Variants in KANSL1 observed in about 807,000 individuals in gnomAD.
KANSL1 encodes the protein KAT8 regulatory NSL complex subunit 1.
In KANSL1, 22 loss-of-function variants were observed where a neutral mutation model predicts 103.6. That is an observed-to-expected ratio of 0.21 (90% confidence interval 0.15 to 0.30). KANSL1 has a LOEUF of 0.30. KANSL1 is among the 10% of genes least tolerant of loss of function. The pLI, the probability that KANSL1 is intolerant of heterozygous loss-of-function variation, is 1.00. For synonymous variants in KANSL1, 600 were observed against 527.6 expected, an observed-to-expected ratio of 1.14 and a Z score of -1.88; for missense variants, 1,337 against 1,399.8, an observed-to-expected ratio of 0.96 and a Z score of 0.72.
intron 1 of KANSL1, among the ~76,000 whole-genome samples, chr17:46,187,721 C>T (rs1403271557): frequency 6.6e-6 from 1 of 152,198 alleles, no homozygotes; most frequent in Non-Finnish European, 1.5e-5. Context: ...ACTATTTTGC[C>T]GCATTGTGCT....
chr17:46,034,453 CA>C, intron 10 of KANSL1, 168 bp from the exon 11 acceptor site: 3 of 616,924 alleles, frequency 4.9e-6, no homozygotes, highest in South Asian at 3.7e-5. Context: ...TCTCCAACAG[CA>C]AAAAACCTCA....
In KANSL1 at chr17:46,033,180, A is replaced by C. The variant is rs1481053960; in HGVS notation, c.2737T>G (p.Ser913Ala). The change falls in exon 13 of 15, where the codon TCC (serine) becomes GCC (alanine). Residue 913 changes from serine to alanine, a missense_variant. Around this residue, in one of 2 missense-constraint regions of KANSL1, gnomAD observed 780 missense variants for 923.4 expected, o/e 0.84. Transcript: ENST00000432791. ...DEENEEIEDLSDAAFAALHAK... is the reference protein window; with the variant it reads ...DEENEEIEDLADAAFAALHAK... ...TGCAGGGCGGCGAAGGCTGCGTCGG[A>C]TAGGTCCTCAATCTGCAATAGAGCA... The C allele has an allele frequency of 6.3e-7, 1 of 1,599,966 alleles. No homozygotes were observed. The highest frequency in any genetic ancestry group is 1.7e-5 in the Admixed American group (1 of 58,554).
At position 46,067,647 on chromosome 17, in the gene KANSL1, T is replaced by C; in HGVS notation, c.1554A>G (p.Pro518=). The change falls in exon 5 of 15, where the codon CCA becomes CCG. Residue 518 remains proline, a synonymous_variant. Coordinates refer to ENST00000432791, the MANE Select transcript of KANSL1 (RefSeq NM_015443.4). The stretch of plus-strand genomic sequence containing the variant: ...TAATAGGGGCACCATGGTTTTCCAA[T>C]GGCTGAGAAACAGACTCAATCTGAT... ...TDKLIESVSQ[P]LENHGAPIIG... is the part of the protein sequence containing the mutation. 2 of 1,586,096 alleles carry C rather than the reference T, an allele frequency of 1.3e-6. No homozygotes were observed. Among genetic ancestry groups the C allele is most frequent in the Non-Finnish European group, 1.7e-6 (2 of 1,154,562 alleles).
intron 2 of KANSL1, among the ~76,000 whole-genome samples, chr17:46,127,905 A>AT (rs1451877142): frequency 6.6e-6 from 1 of 152,240 alleles, no homozygotes; most frequent in Non-Finnish European, 1.5e-5. Context: ...GAGCAACTTA[A>AT]TACTTCACCC....
chr17:46,038,416 T>G (rs1568373104), intron 10 of KANSL1, 122 bp downstream of exon 10: 4 of 1,015,930 alleles, frequency 3.9e-6, no homozygotes, highest in Non-Finnish European at 5.7e-6. Context: ...TATGTCATGA[T>G]GAGCTGAGAT....
intron 6 of KANSL1, among the ~76,000 whole-genome samples, chr17:46,057,021 T>C (rs2077956594): frequency 6.6e-6 from 1 of 152,160 alleles, no homozygotes; most frequent in Admixed American, 6.5e-5. Flanking sequence ...ATTACGGTCA[T>C]CCCGTCTAGA....
intron 2 of KANSL1, chr17:46,170,560 C>T (rs2046231382): frequency 2.3e-6 from 1 of 427,160 alleles, no homozygotes. Context: ...TCTAAATTCA[C>T]TCTTAAAGAG....
rs2076999638 is a variant in KANSL1, at chr17:46,031,310, CAA to C, written c.*164_*165del. 3 of 725,320 alleles carry C rather than the reference CAA, an allele frequency of 4.1e-6. No homozygotes were observed. 44.9% of individuals were successfully genotyped at this position (725,320 alleles called of 1,614,324 possible). A position where few individuals can be genotyped will look rare whatever the true frequency, so the allele number is the denominator to read the frequency against. On this transcript the variant is annotated 3_prime_UTR_variant, in exon 15 of 15. Transcript: ENST00000432791. ...AGAAAACATGGAAACAAAAACAAAA[CAA>C]AAATTAAAACAAGAAAAAAAAATAC...
At chr17:46,090,352 AGTTT>A (rs2079335032) in intron 3 of KANSL1, among the ~76,000 whole-genome samples, 1 of 152,252 alleles carries the variant, frequency 6.6e-6, no homozygotes, top group Non-Finnish European at 1.5e-5. Flanking sequence ...CATTTGTGAT[AGTTT>A]GTTATGACAG....
At chr17:46,079,676 A>G (rs1433537619) in intron 4 of KANSL1, among the ~76,000 whole-genome samples, 1 of 152,166 alleles carries the variant, frequency 6.6e-6, no homozygotes, top group East Asian at 1.9e-4. Context: ...AAATCACTAT[A>G]TATTTAGGAA....
At chr17:46,052,229 T>C (rs544679406) in intron 6 of KANSL1, among the ~76,000 whole-genome samples, 60 of 152,082 alleles carry the variant, frequency 3.9e-4, no homozygotes, top group Non-Finnish European at 8.1e-4. Context: ...CTCACTCCAG[T>C]AGGTATAGCA....
chr17:46,153,847 C>CT (rs2045265792), intron 2 of KANSL1, among the ~76,000 whole-genome samples: 2 of 152,196 alleles, frequency 1.3e-5, no homozygotes, highest in Admixed American at 6.5e-5. Flanking sequence ...AGTTAATTGT[C>CT]TAAGTCAGGT....
At chr17:46,184,283 C>T (rs1021760500) in intron 1 of KANSL1, among the ~76,000 whole-genome samples, 2 of 152,188 alleles carry the variant, frequency 1.3e-5, no homozygotes, top group East Asian at 1.9e-4. Context: ...TGGCAACACA[C>T]AGAATGACAG....
chr17:46,157,778 C>T (rs1329485965), intron 2 of KANSL1, among the ~76,000 whole-genome samples: 1 of 152,246 alleles, frequency 6.6e-6, no homozygotes, highest in Admixed American at 6.5e-5. Flanking sequence ...CAAAATGAGT[C>T]TTAAGCAAGC....
At chr17:46,047,816 A>C (rs529026363) in intron 7 of KANSL1, among the ~76,000 whole-genome samples, 41 of 131,682 alleles carry the variant, frequency 3.1e-4, no homozygotes, top group Admixed American at 2.4e-3. Flanking sequence ...AAAAAAAAAA[A>C]AACAAAAAAA....
At chr17:46,108,740 A>T (rs2042676474) in intron 2 of KANSL1, among the ~76,000 whole-genome samples, 1 of 152,212 alleles carries the variant, frequency 6.6e-6, no homozygotes, top group South Asian at 2.1e-4. Context: ...GATTAAAACC[A>T]AAGTAATTCC....
In KANSL1 at chr17:46,039,684, C is replaced by T. The variant is rs764721407; in HGVS notation, c.2203+18G>A. 3.2e-5 allele frequency: 52 copies of T among 1,603,620 alleles called. No homozygotes were observed. Among genetic ancestry groups the T allele is most frequent in the Non-Finnish European group, 4.1e-5 (48 of 1,174,326 alleles). ...GTCACTGATACTCTGGGGGACTTCC[C>T]GGCTCCCTGACACTTACTGGCTGTT... On this transcript the variant is annotated intron_variant, in intron 8 of 14. Coordinates refer to ENST00000432791, the MANE Select transcript of KANSL1 (RefSeq NM_015443.4).
At chr17:46,054,512 A>C (rs2146526387) in intron 6 of KANSL1, among the ~76,000 whole-genome samples, 1 of 152,350 alleles carries the variant, frequency 6.6e-6, no homozygotes, top group South Asian at 2.1e-4. Flanking sequence ...TCAACACAGT[A>C]ATCAGTGTAA....
intron 1 of KANSL1, among the ~76,000 whole-genome samples, chr17:46,212,377 C>T (rs1444922501): frequency 1.3e-5 from 2 of 152,240 alleles, no homozygotes; most frequent in South Asian, 2.1e-4. Flanking sequence ...CGTGCCACCA[C>T]GCCCAGCTAA....
Sources: allele counts gnomAD v4.1 joint callset (sites outside exome capture counted in the v4.1 genomes callset), GRCh38; gene constraint gnomAD v4.1.1; regional missense constraint gnomAD v4.1.1; transcripts MANE v1.5; gene names NCBI Gene and HGNC (gene_info 2026-07-23, HGNC 2026-07-21).